Variants in NFIB observed in about 807,000 individuals in gnomAD.
NFIB encodes nuclear factor 1 B-type.
NFIB carries 11 observed loss-of-function variants against 61.5 expected under a neutral mutation model. The ratio of observed to expected loss-of-function variants is 0.18; its 90% CI spans 0.11 to 0.30. NFIB has a LOEUF of 0.30. NFIB is among the 10% of genes least tolerant of loss of function. NFIB has a pLI of 1.00. For synonymous variants in NFIB, 260 were observed against 216.5 expected (o/e 1.20, Z -1.76); for missense variants, 471 against 608.9 (o/e 0.77, Z 2.38).
intron 2 of NFIB, among the ~76,000 whole-genome samples, chr9:14,225,500 A>C (rs1470878234): frequency 1.3e-5 from 2 of 150,914 alleles, no homozygotes; most frequent in Non-Finnish European, 2.9e-5. Flanking sequence ...GAAAATAGGT[A>C]ATATGATAGA....
chr9:14,299,103 A>T (rs1268319168), intron 2 of NFIB, among the ~76,000 whole-genome samples: 1 of 152,246 alleles, frequency 6.6e-6, no homozygotes, highest in Non-Finnish European at 1.5e-5. Flanking sequence ...TTGACGTGTC[A>T]TTAGCATAGG....
At chr9:14,462,109 T>C in the NFIB span, among the ~76,000 whole-genome samples, 4 of 152,194 alleles carry the variant, frequency 2.6e-5, no homozygotes, top group African/African-American at 9.6e-5. Context: ...GTATCCCTAG[T>C]TATCTTAATA....
At chr9:14,208,170 G>T (rs750472384) in intron 2 of NFIB, among the ~76,000 whole-genome samples, 20 of 152,096 alleles carry the variant, frequency 1.3e-4, no homozygotes, top group Non-Finnish European at 1.9e-4. Flanking sequence ...AATGACCTCA[G>T]GGTAGGCCAT....
chr9:14,205,071 T>C (rs2049489687), intron 2 of NFIB: 1 of 188,288 alleles, frequency 5.3e-6, no homozygotes, highest in Non-Finnish European at 1.1e-5. Context: ...TTTCTGTACA[T>C]AAAAATAATA....
intron 1 of NFIB, among the ~76,000 whole-genome samples, chr9:14,344,889 A>G (rs4521855): frequency 0.25 from 37,662 of 152,122 alleles, 6,231 homozygotes; most frequent in African/African-American, 0.47. Context: ...TTAGAAATAC[A>G]ATCTTGAGGG....
the NFIB span, among the ~76,000 whole-genome samples, chr9:14,421,416 T>C: frequency 2.0e-5 from 3 of 152,166 alleles, no homozygotes; most frequent in Non-Finnish European, 4.4e-5. Flanking sequence ...ACAGAGTGTA[T>C]ATGTTCTTTC....
At chr9:14,460,685 T>C in the NFIB span, among the ~76,000 whole-genome samples, 1 of 152,180 alleles carries the variant, frequency 6.6e-6, no homozygotes, top group Non-Finnish European at 1.5e-5. Flanking sequence ...TTAAATAAAT[T>C]AGTATGCAGA....
intron 3 of NFIB, among the ~76,000 whole-genome samples, chr9:14,169,623 C>A (rs981592708): frequency 6.6e-6 from 1 of 152,160 alleles, no homozygotes; most frequent in African/African-American, 2.4e-5. Flanking sequence ...GAGTTCAAGA[C>A]CAGCCTGGCC....
At chr9:14,157,188 C>T (rs1042222521) in intron 3 of NFIB, among the ~76,000 whole-genome samples, 1 of 152,126 alleles carries the variant, frequency 6.6e-6, no homozygotes, top group African/African-American at 2.4e-5. Context: ...GATCTTAGGG[C>T]CAGTGGAACC....
At chr9:14,422,365 T>A in the NFIB span, among the ~76,000 whole-genome samples, 1 of 152,182 alleles carries the variant, frequency 6.6e-6, no homozygotes, top group Non-Finnish European at 1.5e-5. Flanking sequence ...GGCCTGAATG[T>A]CCCTGGAGTC....
At chr9:14,454,159 T>C in the NFIB span, among the ~76,000 whole-genome samples, 118 of 152,338 alleles carry the variant, frequency 7.7e-4, no homozygotes, top group Admixed American at 1.4e-3. Context: ...TGTAGGAAAG[T>C]ACATTCCAGT....
At chr9:14,141,913 A>AC (rs930755708) in intron 6 of NFIB, among the ~76,000 whole-genome samples, 4 of 140,594 alleles carry the variant, frequency 2.8e-5, no homozygotes, top group Admixed American at 1.4e-4. Context: ...AAAAAAAAAA[A>AC]AAAAAAAAAA....
At chr9:14,319,190 A>T (rs748294365) in intron 1 of NFIB, among the ~76,000 whole-genome samples, 22 of 139,790 alleles carry the variant, frequency 1.6e-4, no homozygotes, top group Non-Finnish European at 2.5e-4. Flanking sequence ...TCCACTGTTT[A>T]AAAAAAAAAA....
At chr9:14,467,020 G>C in the NFIB span, among the ~76,000 whole-genome samples, 1 of 152,140 alleles carries the variant, frequency 6.6e-6, no homozygotes, top group African/African-American at 2.4e-5. Flanking sequence ...GGGGCTGTGA[G>C]ATCCCGGCAT....
chr9:14,506,994 G>T, the NFIB span, among the ~76,000 whole-genome samples: 1 of 152,114 alleles, frequency 6.6e-6, no homozygotes, highest in Non-Finnish European at 1.5e-5. Flanking sequence ...CATATCTACA[G>T]GCGACACCAT....
intron 3 of NFIB, among the ~76,000 whole-genome samples, chr9:14,159,179 A>G (rs568165556): frequency 5.9e-5 from 9 of 152,222 alleles, no homozygotes; most frequent in Admixed American, 6.5e-5. Context: ...AACACAGACA[A>G]TACAATGACT....
At chr9:14,521,846 A>G in the NFIB span, among the ~76,000 whole-genome samples, 1 of 152,198 alleles carries the variant, frequency 6.6e-6, no homozygotes, top group Non-Finnish European at 1.5e-5. Flanking sequence ...AAGGCTTTGA[A>G]TGCTCAATAA....
the NFIB span, among the ~76,000 whole-genome samples, chr9:14,413,820 C>T: frequency 6.6e-6 from 1 of 152,098 alleles, no homozygotes; most frequent in African/African-American, 2.4e-5. Flanking sequence ...CCATGTCAGG[C>T]TCAGTCTTTT....
intron 2 of NFIB, among the ~76,000 whole-genome samples, chr9:14,222,795 CAAA>C (rs58787088): frequency 2.1e-4 from 18 of 86,748 alleles, no homozygotes; most frequent in Admixed American, 6.9e-4. Context: ...GATCCTGTCT[CAAA>C]AAAAAAAAAA....
Sources: allele counts gnomAD v4.1 joint callset (sites outside exome capture counted in the v4.1 genomes callset), GRCh38; gene constraint gnomAD v4.1.1; transcripts MANE v1.5; gene names NCBI Gene and HGNC (gene_info 2026-07-23, HGNC 2026-07-21).